Variants in CMTM8 observed in about 807,000 individuals in gnomAD.
The protein encoded by CMTM8 is CKLF-like MARVEL transmembrane domain-containing protein 8.
A neutral mutation model predicts 18.6 loss-of-function variants in CMTM8; 12 were observed. The ratio of observed to expected loss-of-function variants is 0.65; its 90% CI spans 0.41 to 1.05. The LOEUF (loss-of-function observed/expected upper bound fraction) is 1.05. Among genes scored for constraint, CMTM8 ranks in the 50% least tolerant of loss-of-function variants. The pLI, the probability that CMTM8 is intolerant of heterozygous loss-of-function variation, is 0.00. For missense variants in CMTM8, 217 were observed against 227.2 expected (o/e 0.95, Z 0.29); for synonymous variants, 87 against 90.6 (o/e 0.96, Z 0.23).
intron 1 of CMTM8, among the ~76,000 whole-genome samples, chr3:32,319,074 A>ATATATATATATATTT: frequency 5.7e-4 from 18 of 31,530 alleles, no homozygotes; most frequent in African/African-American, 2.3e-3. Flanking sequence ...ATATATATAT[A>ATATATATATATATTT]TTTTTTTTTT....
chr3:32,316,760 T>C (rs1307867291), intron 1 of CMTM8, among the ~76,000 whole-genome samples: 1 of 152,142 alleles, frequency 6.6e-6, no homozygotes, highest in Non-Finnish European at 1.5e-5. Context: ...GAAGGTGAGT[T>C]GAATGACTTG....
chr3:32,329,767 C>T (rs906296048), intron 1 of CMTM8, among the ~76,000 whole-genome samples: 39 of 152,090 alleles, frequency 2.6e-4, no homozygotes, highest in African/African-American at 7.5e-4. Flanking sequence ...CCTATCCAGG[C>T]GAGAAAGAGA....
rs1263918412 is a variant in CMTM8 at position 32,238,780 on chromosome 3, TA to T, written c.-192del. 3.0e-6 allele frequency: 1 copy of T among 334,666 alleles called. No individual in the cohort carries two copies. The highest frequency in any genetic ancestry group is 5.3e-6 in the Non-Finnish European group (1 of 188,750). 20.7% of individuals were successfully genotyped at this position (334,666 alleles called of 1,614,324 possible). On this transcript the variant is annotated 5_prime_UTR_variant, in exon 1 of 4. Transcript: ENST00000307526. ...CTCGGGAGCCCGCGCACCGAGGCGC[TA>T]GGGGCACCGCGCACTAGAGGGACAC...
At chr3:32,318,724 G>A (rs1297281566) in intron 1 of CMTM8, among the ~76,000 whole-genome samples, 2 of 151,478 alleles carry the variant, frequency 1.3e-5, no homozygotes, top group African/African-American at 4.9e-5. Flanking sequence ...CCGCCACCAC[G>A]CCTGGCTAAT....
chr3:32,309,787 C>T (rs1004913247), intron 1 of CMTM8, among the ~76,000 whole-genome samples: 26 of 152,194 alleles, frequency 1.7e-4, no homozygotes, highest in Non-Finnish European at 3.4e-4. Context: ...CCTGTGTTAG[C>T]CCTGTCTGTG....
At chr3:32,280,846 C>CGA (rs1702597223) in intron 1 of CMTM8, among the ~76,000 whole-genome samples, 1 of 68,172 alleles carries the variant, frequency 1.5e-5, no homozygotes, top group Non-Finnish European at 2.6e-5. Context: ...AGAAAATAGG[C>CGA]AAAAAAAAAA....
At chr3:32,301,497 C>G (rs1033859875) in intron 1 of CMTM8, among the ~76,000 whole-genome samples, 2 of 151,852 alleles carry the variant, frequency 1.3e-5, no homozygotes, top group Non-Finnish European at 2.9e-5. Flanking sequence ...AGGATTCCAC[C>G]TTATCTTTCC....
intron 1 of CMTM8, among the ~76,000 whole-genome samples, chr3:32,307,069 T>A (rs1325368496): frequency 2.0e-5 from 3 of 151,528 alleles, no homozygotes; most frequent in Non-Finnish European, 4.4e-5. Flanking sequence ...TAGCTGGGCA[T>A]GGTTGTGGAT....
chr3:32,248,066 C>T (rs1702063604), intron 1 of CMTM8, among the ~76,000 whole-genome samples: 1 of 152,128 alleles, frequency 6.6e-6, no homozygotes, highest in South Asian at 2.1e-4. Context: ...TTTAAATTGT[C>T]AAATATTTCA....
intron 1 of CMTM8, among the ~76,000 whole-genome samples, chr3:32,353,134 C>T (rs1696746822): frequency 6.6e-6 from 1 of 152,130 alleles, no homozygotes; most frequent in Non-Finnish European, 1.5e-5. Flanking sequence ...GCTGGGATTA[C>T]AGGCATGCAC....
At chr3:32,267,182 A>G (rs966494272) in intron 1 of CMTM8, among the ~76,000 whole-genome samples, 2 of 152,326 alleles carry the variant, frequency 1.3e-5, no homozygotes. Context: ...GAGGCATCAC[A>G]CTACCTGACT....
At chr3:32,286,286 A>G (rs1383372914) in intron 1 of CMTM8, among the ~76,000 whole-genome samples, 2 of 152,104 alleles carry the variant, frequency 1.3e-5, no homozygotes, top group African/African-American at 4.8e-5. Flanking sequence ...ATGAACCTGA[A>G]ATTTGAATTC....
At chr3:32,251,448 G>A (rs1702109208) in intron 1 of CMTM8, among the ~76,000 whole-genome samples, 1 of 151,846 alleles carries the variant, frequency 6.6e-6, no homozygotes, top group African/African-American at 2.4e-5. Context: ...CAAGTAACTG[G>A]GACTACAGAC....
At chr3:32,281,120 G>A (rs1351444831) in intron 1 of CMTM8, among the ~76,000 whole-genome samples, 1 of 152,176 alleles carries the variant, frequency 6.6e-6, no homozygotes, top group African/African-American at 2.4e-5. Flanking sequence ...TCCTGTGTAT[G>A]ACTATTAGTA....
intron 1 of CMTM8, among the ~76,000 whole-genome samples, chr3:32,267,256 T>C (rs1291429642): frequency 6.6e-6 from 1 of 152,166 alleles, no homozygotes; most frequent in South Asian, 2.1e-4. Context: ...AACAGAGATA[T>C]AGACCAATGG....
chr3:32,250,977 G>A (rs776786756), intron 1 of CMTM8, among the ~76,000 whole-genome samples: 21 of 152,164 alleles, frequency 1.4e-4, no homozygotes, highest in Admixed American at 6.5e-4. Flanking sequence ...TTTGTGGTTC[G>A]ACATATGTTT....
chr3:32,361,028 C>G (rs1696913281), intron 2 of CMTM8, among the ~76,000 whole-genome samples: 1 of 152,200 alleles, frequency 6.6e-6, no homozygotes, highest in Admixed American at 6.5e-5. Flanking sequence ...GTTGCCCAGG[C>G]TGGAGTGCAA....
intron 1 of CMTM8, among the ~76,000 whole-genome samples, chr3:32,296,700 C>A (rs150017039): frequency 2.6e-5 from 4 of 152,274 alleles, no homozygotes; most frequent in East Asian, 1.9e-4. Context: ...GAATGGCACC[C>A]CTTAGGGTTG....
chr3:32,239,164 C>T, intron 1 of CMTM8, 45 bp downstream of exon 1: 1 of 1,550,760 alleles, frequency 6.4e-7, no homozygotes, highest in Non-Finnish European at 8.7e-7. Flanking sequence ...CAGCTGGACC[C>T]CGGCGCGTGC....
Sources: allele counts gnomAD v4.1 joint callset (sites outside exome capture counted in the v4.1 genomes callset), GRCh38; gene constraint gnomAD v4.1.1; transcripts MANE v1.5; gene names NCBI Gene and HGNC (gene_info 2026-07-23, HGNC 2026-07-21).